The following NRG1 variants were observed in gnomAD, a reference collection of about 807,000 sequenced individuals.
NRG1 encodes the protein pro-neuregulin-1, membrane-bound isoform.
A neutral mutation model predicts 63.8 loss-of-function variants in NRG1; 18 were observed. The observed-to-expected ratio is 0.28, with a 90% CI of 0.19 to 0.42. The LOEUF is 0.42. Ranked by LOEUF, NRG1 falls within the 10% of genes least tolerant of loss-of-function variation. The pLI is 1.00. For missense variants in NRG1, 762 were observed against 814.7 expected (o/e 0.94, Z 0.79); for synonymous variants, 302 against 301.3 (o/e 1.00, Z -0.02).
intron 1 of NRG1, among the ~76,000 whole-genome samples, chr8:31,858,070 C>T (rs545481254): frequency 5.9e-5 from 9 of 152,092 alleles, no homozygotes; most frequent in Non-Finnish European, 1.2e-4. Context: ...GAGGCCGAGG[C>T]GGGCAGATCA....
At chr8:32,445,626 A>G (rs2129487727) in intron 1 of NRG1, among the ~76,000 whole-genome samples, 1 of 152,226 alleles carries the variant, frequency 6.6e-6, no homozygotes, top group Non-Finnish European at 1.5e-5. Context: ...TGGCCAACTG[A>G]CTTCTCTCAC....
intron 1 of NRG1, among the ~76,000 whole-genome samples, chr8:31,862,566 C>A (rs17662942): frequency 9.2e-5 from 14 of 152,308 alleles, no homozygotes; most frequent in African/African-American, 2.9e-4. Flanking sequence ...TACTTAACCA[C>A]CTGCTTTAGC....
chr8:32,350,095 C>T (rs529865442), intron 1 of NRG1, among the ~76,000 whole-genome samples: 2 of 152,158 alleles, frequency 1.3e-5, no homozygotes, highest in Non-Finnish European at 2.9e-5. Flanking sequence ...AGGAGATCAA[C>T]TTGTAAAAGA....
At chr8:32,551,033 G>C (rs1386891116) in intron 1 of NRG1, among the ~76,000 whole-genome samples, 2 of 152,156 alleles carry the variant, frequency 1.3e-5, no homozygotes, top group African/African-American at 4.8e-5. Context: ...GCTTTATATA[G>C]AAGCACATGG....
rs902527116 is a variant in NRG1 at position 31,966,115 on chromosome 8, A to C, written c.37+326684A>C. ...ATGTACTCCCTGAAACTAAAAAAAA[A>C]AGAAACAAGCATTGTGAACTGCTGG... On this transcript the variant is annotated intron_variant, in intron 1 of 10. Transcript: ENST00000519301. Among the ~76,000 whole-genome samples the C allele has an allele frequency of 7.2e-5, 11 of 152,190 alleles. 1 individual carries two copies. Among genetic ancestry groups the C allele is most frequent in the Non-Finnish European group, 1.5e-5 (1 of 68,032 alleles).
At chr8:32,253,241 G>C (rs1348004564) in intron 1 of NRG1, among the ~76,000 whole-genome samples, 1 of 152,136 alleles carries the variant, frequency 6.6e-6, no homozygotes, top group East Asian at 1.9e-4. Flanking sequence ...TGTTGAATAG[G>C]AGTGGTGACA....
intron 5 of NRG1, among the ~76,000 whole-genome samples, chr8:32,631,337 T>G (rs1000706287): frequency 1.3e-5 from 2 of 152,084 alleles, no homozygotes; most frequent in African/African-American, 4.8e-5. Context: ...CCCCCAAGGC[T>G]CTCCTTTTTT....
At chr8:32,197,605 T>A (rs2132267296) in intron 1 of NRG1, among the ~76,000 whole-genome samples, 1 of 152,294 alleles carries the variant, frequency 6.6e-6, no homozygotes, top group East Asian at 1.9e-4. Context: ...CCTTTCAGTT[T>A]TAACCTTTCA....
intron 1 of NRG1, among the ~76,000 whole-genome samples, chr8:31,961,310 G>A (rs915467578): frequency 6.6e-6 from 1 of 152,118 alleles, no homozygotes; most frequent in African/African-American, 2.4e-5. Flanking sequence ...TCCTAGCAAA[G>A]AATTTTAAAT....
chr8:32,638,237 C>A (rs911497566), intron 5 of NRG1, among the ~76,000 whole-genome samples: 12 of 152,136 alleles, frequency 7.9e-5, no homozygotes, highest in African/African-American at 2.7e-4. Flanking sequence ...ATGGGTGCAG[C>A]AAACTAACAT....
intron 1 of NRG1, among the ~76,000 whole-genome samples, chr8:32,143,246 G>T (rs1010597309): frequency 6.6e-6 from 1 of 151,738 alleles, no homozygotes; most frequent in Admixed American, 6.6e-5. Flanking sequence ...TTTTTTTTGG[G>T]GGGGGAAGAA....
At chr8:32,118,165 T>A (rs1228334268) in intron 1 of NRG1, among the ~76,000 whole-genome samples, 1 of 152,106 alleles carries the variant, frequency 6.6e-6, no homozygotes, top group Non-Finnish European at 1.5e-5. Context: ...TTGTTGAACT[T>A]TGATCCCTAG....
rs552490381 is a variant in NRG1, at chr8:32,000,552, C to T, written c.37+361121C>T. The stretch of plus-strand genomic sequence containing the variant: ...AAAGTACTGGGATTACAGGCCTGAG[C>T]CACCATGCACAGACTTATCCCTCTC... On this transcript the variant is annotated intron_variant, in intron 1 of 10. Transcript: ENST00000519301. Among the ~76,000 whole-genome samples, 125 of 152,006 alleles carry T rather than the reference C, an allele frequency of 8.2e-4. 2 individuals are homozygous for T. Among genetic ancestry groups the T allele is most frequent in the African/African-American group, 2.7e-3 (114 of 41,484 alleles).
chr8:32,754,893 C>T (rs1829398141), intron 8 of NRG1, among the ~76,000 whole-genome samples: 1 of 152,126 alleles, frequency 6.6e-6, no homozygotes, highest in African/African-American at 2.4e-5. Flanking sequence ...GAGTTAGAGA[C>T]TGACTGCATT....
chr8:32,467,008 C>G (rs1347036651), intron 1 of NRG1, among the ~76,000 whole-genome samples: 2 of 151,944 alleles, frequency 1.3e-5, no homozygotes, highest in African/African-American at 2.4e-5. Flanking sequence ...CCATTGACTC[C>G]CATCACCTTT....
At chr8:31,696,417 C>T (rs997257396) in intron 1 of NRG1, among the ~76,000 whole-genome samples, 3 of 152,118 alleles carry the variant, frequency 2.0e-5, no homozygotes, top group African/African-American at 7.2e-5. Flanking sequence ...GAGGATATAT[C>T]TGTGTACTAG....
At chr8:31,815,787 G>A (rs746991766) in intron 1 of NRG1, among the ~76,000 whole-genome samples, 2 of 151,868 alleles carry the variant, frequency 1.3e-5, no homozygotes, top group Non-Finnish European at 1.5e-5. Flanking sequence ...TGTGGTTTTT[G>A]CCATTAAAAG....
At chr8:32,078,305 C>G (rs1826919538) in intron 1 of NRG1, among the ~76,000 whole-genome samples, 1 of 152,160 alleles carries the variant, frequency 6.6e-6, no homozygotes, top group Non-Finnish European at 1.5e-5. Flanking sequence ...TGTGCTCTCA[C>G]CATGTGACAT....
chr8:31,811,759 A>G (rs899287979), intron 1 of NRG1, among the ~76,000 whole-genome samples: 8 of 152,168 alleles, frequency 5.3e-5, no homozygotes, highest in African/African-American at 1.7e-4. Flanking sequence ...TGAGGGTGGA[A>G]AAGTTTATTA....
Sources: allele counts gnomAD v4.1 joint callset (sites outside exome capture counted in the v4.1 genomes callset), GRCh38; gene constraint gnomAD v4.1.1; transcripts MANE v1.5; gene names NCBI Gene and HGNC (gene_info 2026-07-23, HGNC 2026-07-21).